Variants in FAF1 observed in about 807,000 individuals in gnomAD.
FAF1 encodes the protein FAS-associated factor 1.
Under a neutral mutation model 92.5 loss-of-function variants are expected in FAF1, and 25 were observed. The observed-to-expected ratio is 0.27, with a 90% CI of 0.20 to 0.38. FAF1 has a LOEUF of 0.38. Among genes scored for constraint, FAF1 ranks in the 10% least tolerant of loss-of-function variants. The pLI is 1.00. For missense variants in FAF1, 636 were observed against 793.3 expected (o/e 0.80, Z 2.38); for synonymous variants, 234 against 273.2 (o/e 0.86, Z 1.42).
chr1:50,528,699 AC>A (rs1177062648), intron 15 of FAF1, among the ~76,000 whole-genome samples: 2 of 152,298 alleles, frequency 1.3e-5, no homozygotes, highest in Admixed American at 6.5e-5. Flanking sequence ...AAGTCCACTT[AC>A]ATGGAGAGTT....
chr1:50,801,525 T>C, intron 3 of FAF1, 106 bp downstream of exon 3: 2 of 640,592 alleles, frequency 3.1e-6, no homozygotes, highest in Admixed American at 2.3e-5. Flanking sequence ...TGAACTTATA[T>C]ACCCCAAATC....
intron 7 of FAF1, among the ~76,000 whole-genome samples, chr1:50,676,635 A>G (rs1257763849): frequency 1.3e-5 from 2 of 152,084 alleles, no homozygotes; most frequent in African/African-American, 4.8e-5. Context: ...AGCCCTGGCC[A>G]ACGTGGTAAA....
At chr1:50,673,405 G>A (rs1655985859) in intron 7 of FAF1, among the ~76,000 whole-genome samples, 1 of 152,180 alleles carries the variant, frequency 6.6e-6, no homozygotes, top group Admixed American at 6.5e-5. Flanking sequence ...CCATTCCGTT[G>A]TGCAGCAGGC....
chr1:50,670,023 A>G (rs927577579), intron 7 of FAF1, among the ~76,000 whole-genome samples: 1 of 150,086 alleles, frequency 6.7e-6, no homozygotes, highest in African/African-American at 2.4e-5. Flanking sequence ...TGGGAGGCTG[A>G]GGGAGGAGAA....
intron 12 of FAF1, 54 bp downstream of exon 12, chr1:50,582,564 G>T: frequency 8.8e-7 from 1 of 1,133,552 alleles, no homozygotes; most frequent in African/African-American, 1.5e-5. Context: ...CTCAGCCCTA[G>T]TGGTAAACCT....
intron 6 of FAF1, among the ~76,000 whole-genome samples, chr1:50,730,664 CAG>C (rs1658876418): frequency 2.6e-5 from 4 of 152,204 alleles, no homozygotes; most frequent in Admixed American, 2.6e-4. Context: ...CTACTCTTGA[CAG>C]AGTTTCCAGT....
intron 6 of FAF1, among the ~76,000 whole-genome samples, chr1:50,718,693 T>C (rs1394756474): frequency 2.0e-5 from 3 of 152,228 alleles, no homozygotes; most frequent in Non-Finnish European, 4.4e-5. Context: ...TTTTTAATTA[T>C]AAAAATGTAA....
At chr1:50,579,597 T>C (rs1292347094) in intron 12 of FAF1, among the ~76,000 whole-genome samples, 1 of 152,174 alleles carries the variant, frequency 6.6e-6, no homozygotes, top group Non-Finnish European at 1.5e-5. Context: ...TTCAGCATTA[T>C]TTTACAAAGC....
At chr1:50,819,706 T>C (rs1170324760) in intron 2 of FAF1, among the ~76,000 whole-genome samples, 2 of 46,536 alleles carry the variant, frequency 4.3e-5, no homozygotes, top group African/African-American at 7.0e-5. Flanking sequence ...TATATATACA[T>C]ATATATATAC....
chr1:50,729,042 A>ATC (rs1557497143), intron 6 of FAF1, among the ~76,000 whole-genome samples: 4 of 67,862 alleles, frequency 5.9e-5, no homozygotes, highest in African/African-American at 2.7e-4. Context: ...ATCTATATAT[A>ATC]TATATATATA....
chr1:50,908,743 C>A (rs1475205819), intron 1 of FAF1, among the ~76,000 whole-genome samples: 1 of 152,036 alleles, frequency 6.6e-6, no homozygotes, highest in East Asian at 1.9e-4. Flanking sequence ...ATCCCTCCGT[C>A]CCTTTATTTT....
intron 18 of FAF1, among the ~76,000 whole-genome samples, chr1:50,454,928 A>C (rs1572752548): frequency 1.3e-5 from 2 of 152,328 alleles, no homozygotes; most frequent in Admixed American, 1.3e-4. Flanking sequence ...AGTTCACTAC[A>C]TGTTTGCTGA....
chr1:50,657,195 G>A (rs950921214), intron 7 of FAF1, among the ~76,000 whole-genome samples: 1 of 151,684 alleles, frequency 6.6e-6, no homozygotes, highest in Non-Finnish European at 1.5e-5. Flanking sequence ...CTGGCAGACA[G>A]AGTGAGACCC....
At chr1:50,926,575 C>T (rs770846805) in intron 1 of FAF1, among the ~76,000 whole-genome samples, 14 of 151,572 alleles carry the variant, frequency 9.2e-5, no homozygotes, top group Admixed American at 7.9e-4. Flanking sequence ...AAAAAGCAGA[C>T]TTTAAATGTT....
intron 1 of FAF1, among the ~76,000 whole-genome samples, chr1:50,901,716 T>C (rs1644798132): frequency 6.6e-6 from 1 of 151,792 alleles, no homozygotes; most frequent in Admixed American, 6.6e-5. Context: ...AATACAAAAA[T>C]GTGTCGGGCA....
At chr1:50,942,873 G>A (rs1035415534) in intron 1 of FAF1, among the ~76,000 whole-genome samples, 2 of 152,002 alleles carry the variant, frequency 1.3e-5, no homozygotes, top group African/African-American at 2.4e-5. Flanking sequence ...CTGTGCTTAG[G>A]GAATGTGAAT....
intron 2 of FAF1, among the ~76,000 whole-genome samples, chr1:50,806,119 T>C (rs894024990): frequency 6.6e-6 from 1 of 152,080 alleles, no homozygotes; most frequent in Admixed American, 6.6e-5. Flanking sequence ...AATACATGTA[T>C]CTGAGATAGA....
intron 1 of FAF1, among the ~76,000 whole-genome samples, chr1:50,886,209 T>A (rs1041099460): frequency 2.8e-4 from 42 of 152,240 alleles, no homozygotes; most frequent in Admixed American, 6.5e-4. Context: ...TTATTGCTCA[T>A]TATCATCCTT....
chr1:50,504,100 T>C (rs534481620), intron 15 of FAF1, among the ~76,000 whole-genome samples: 1 of 152,224 alleles, frequency 6.6e-6, no homozygotes, highest in Non-Finnish European at 1.5e-5. Context: ...AATTAATAGA[T>C]GGATGACACA....
Sources: allele counts gnomAD v4.1 joint callset (sites outside exome capture counted in the v4.1 genomes callset), GRCh38; gene constraint gnomAD v4.1.1; transcripts MANE v1.5; gene names NCBI Gene and HGNC (gene_info 2026-07-23, HGNC 2026-07-21).